The following ZDHHC20 variants were observed in gnomAD, a reference collection of about 807,000 sequenced individuals.
ZDHHC20 encodes the protein palmitoyltransferase ZDHHC20.
A neutral mutation model predicts 57.8 loss-of-function variants in ZDHHC20; 43 were observed. The observed-to-expected ratio is 0.74, with a 90% CI of 0.58 to 0.96. ZDHHC20 has a LOEUF of 0.96. Ranked by LOEUF, ZDHHC20 falls within the 40% of genes least tolerant of loss-of-function variation. The pLI is 0.00. For missense variants in ZDHHC20, 391 were observed against 441.1 expected (o/e 0.89, Z 1.02); for synonymous variants, 157 against 153.0 (o/e 1.03, Z -0.19).
In ZDHHC20 at chr13:21,459,038, C is replaced by G; in HGVS notation, c.118+16G>C. The G allele has an allele frequency of 6.3e-7, 1 of 1,576,726 alleles. No individual in the cohort carries two copies. The highest frequency in any genetic ancestry group is 1.7e-4 in the Middle Eastern group (1 of 5,962). On this transcript the variant is annotated intron_variant, in intron 1 of 12. Coordinates refer to ENST00000400590, the MANE Select transcript of ZDHHC20 (RefSeq NM_001330059.2). Reference sequence around the variant, plus strand: ...GCGGCCCGCGCCCCGCCGCAGTCCCCGGGGACGGTACTCACACACGCAGAG... The same window carrying G: ...GCGGCCCGCGCCCCGCCGCAGTCCCGGGGGACGGTACTCACACACGCAGAG...
At chr13:21,436,523 G>T (rs967229418) in intron 1 of ZDHHC20, among the ~76,000 whole-genome samples, 1 of 152,120 alleles carries the variant, frequency 6.6e-6, no homozygotes, top group Admixed American at 6.6e-5. Context: ...GGTGCTCTGT[G>T]ATCAGTGATC....
chr13:21,417,767 T>C (rs1293040686), intron 3 of ZDHHC20, among the ~76,000 whole-genome samples: 1 of 152,072 alleles, frequency 6.6e-6, no homozygotes, highest in Non-Finnish European at 1.5e-5. Context: ...ACCCAATCAA[T>C]TCCCCTAGAC....
At chr13:21,408,854 CA>C (rs1878820505) in intron 4 of ZDHHC20, among the ~76,000 whole-genome samples, 1 of 152,174 alleles carries the variant, frequency 6.6e-6, no homozygotes, top group African/African-American at 2.4e-5. Context: ...GCCTTTTCTG[CA>C]TCTATTGAGA....
At chr13:21,445,206 T>C (rs1406312077) in intron 1 of ZDHHC20, among the ~76,000 whole-genome samples, 1 of 152,018 alleles carries the variant, frequency 6.6e-6, no homozygotes. Flanking sequence ...GGCCTGCAAA[T>C]AGAGCTTATA....
intron 7 of ZDHHC20, among the ~76,000 whole-genome samples, chr13:21,398,826 G>T (rs750008272): frequency 3.2e-4 from 48 of 152,296 alleles, no homozygotes; most frequent in Non-Finnish European, 5.6e-4. Context: ...ACTGGAAACA[G>T]GGGAATGGGC....
chr13:21,426,748 G>C (rs1881307005), intron 1 of ZDHHC20, among the ~76,000 whole-genome samples: 1 of 151,992 alleles, frequency 6.6e-6, no homozygotes, highest in African/African-American at 2.4e-5. Flanking sequence ...TGGGATTACA[G>C]GTGAGTGCCA....
chr13:21,428,505 C>T lies in ZDHHC20; in HGVS notation c.119-2827G>A, dbSNP rs1030683566. Among the ~76,000 whole-genome samples, 4 of 151,870 alleles carry T rather than the reference C, an allele frequency of 2.6e-5. 1 individual carries two copies. The highest frequency in any genetic ancestry group is 7.3e-5 in the African/African-American group (3 of 41,372). ...AAGTGCTGGGATTACAGGCGTGAGCCACCGCACCCAGGCCCAAACTATGTT... is the reference window on the plus strand; with the variant it reads ...AAGTGCTGGGATTACAGGCGTGAGCTACCGCACCCAGGCCCAAACTATGTT... On this transcript the variant is annotated intron_variant, in intron 1 of 12. Transcript: ENST00000400590.
chr13:21,381,936 C>T (rs762583279), intron 10 of ZDHHC20: 31 of 525,576 alleles, frequency 5.9e-5, no homozygotes, highest in Non-Finnish European at 9.1e-5. Context: ...TCTACCTCTG[C>T]AGTTTAGATC....
chr13:21,442,085 CTATTT>C (rs1268072963), intron 1 of ZDHHC20, among the ~76,000 whole-genome samples: 1 of 151,964 alleles, frequency 6.6e-6, no homozygotes, highest in Non-Finnish European at 1.5e-5. Context: ...TTATGTATCC[CTATTT>C]TATTGTTTAT....
rs1449684713 is a variant in ZDHHC20, at chr13:21,447,815, G to A, written c.118+11239C>T. Among the ~76,000 whole-genome samples, 88 of 97,152 alleles carry A rather than the reference G, an allele frequency of 9.1e-4. No homozygotes were observed. The East Asian group carries it at 0.018, about 19-fold the overall frequency. 63.7% of individuals were successfully genotyped at this position (97,152 alleles called of 152,430 possible). A position where few individuals can be genotyped will look rare whatever the true frequency, so the allele number is the denominator to read the frequency against. ...AAGTGAGGAGTGTCTCCGCCCAGCC[G>A]CCATCCCATCTAGGAAGTGAGGAGC... On this transcript the variant is annotated intron_variant, in intron 1 of 12. Coordinates refer to ENST00000400590, the MANE Select transcript of ZDHHC20 (RefSeq NM_001330059.2).
intron 7 of ZDHHC20, among the ~76,000 whole-genome samples, chr13:21,395,302 G>A (rs1003157618): frequency 5.9e-5 from 9 of 151,706 alleles, no homozygotes; most frequent in Admixed American, 1.3e-4. Context: ...TCCTGACCTC[G>A]TGATCCACCT....
intron 5 of ZDHHC20, 82 bp downstream of exon 5, chr13:21,402,715 T>C (rs1275706985): frequency 2.6e-6 from 3 of 1,139,552 alleles, no homozygotes; most frequent in Non-Finnish European, 2.6e-6. Context: ...GTGTAAAGCA[T>C]ATAAAATGTT....
At chr13:21,390,617 G>C (rs1036783552) in intron 8 of ZDHHC20, among the ~76,000 whole-genome samples, 1 of 152,130 alleles carries the variant, frequency 6.6e-6, no homozygotes, top group Non-Finnish European at 1.5e-5. Flanking sequence ...GAATATATAT[G>C]GGCTGGGCAA....
chr13:21,424,335 A>T (rs2137920981), intron 2 of ZDHHC20, among the ~76,000 whole-genome samples: 1 of 152,336 alleles, frequency 6.6e-6, no homozygotes, highest in Middle Eastern at 3.4e-3. Flanking sequence ...CCTATATACC[A>T]AACTCTGTGT....
At chr13:21,405,134 A>T (rs895697396) in intron 4 of ZDHHC20, among the ~76,000 whole-genome samples, 6 of 149,838 alleles carry the variant, frequency 4.0e-5, no homozygotes, top group South Asian at 2.1e-4. Context: ...GCCCCTAAAA[A>T]TTTTTTTTTT....
At chr13:21,457,125 TCTC>T (rs2138084868) in intron 1 of ZDHHC20, among the ~76,000 whole-genome samples, 1 of 152,340 alleles carries the variant, frequency 6.6e-6, no homozygotes, top group Admixed American at 6.5e-5. Flanking sequence ...CATGTTCATT[TCTC>T]CTTCTTTATT....
chr13:21,444,372 C>G (rs1883472364), intron 1 of ZDHHC20, among the ~76,000 whole-genome samples: 1 of 151,954 alleles, frequency 6.6e-6, no homozygotes, highest in South Asian at 2.1e-4. Flanking sequence ...ACCCAGGCCA[C>G]AGTAAAACAA....
chr13:21,400,610 A>C lies in ZDHHC20; in HGVS notation c.474-117T>G, dbSNP rs1877491935. On this transcript the variant is annotated intron_variant, in intron 6 of 12. Transcript: ENST00000400590. ...GTGGTGTGGGGAAGGGGAGCTTTTT[A>C]ATGCGAATAAAATTTCAGTTTTGCA... The C allele has an allele frequency of 1.6e-5, 16 of 1,005,566 alleles. No individual in the cohort carries two copies. The East Asian group carries it at 2.5e-4, about 16-fold the overall frequency. 62.3% of individuals were successfully genotyped at this position (1,005,566 alleles called of 1,614,324 possible). A position where few individuals can be genotyped will look rare whatever the true frequency, so the allele number is the denominator to read the frequency against.
At chr13:21,434,296 A>T (rs1337764037) in intron 1 of ZDHHC20, among the ~76,000 whole-genome samples, 1 of 152,140 alleles carries the variant, frequency 6.6e-6, no homozygotes, top group Non-Finnish European at 1.5e-5. Context: ...AAGAATTAGA[A>T]TACCCCATAT....
Sources: allele counts gnomAD v4.1 joint callset (sites outside exome capture counted in the v4.1 genomes callset), GRCh38; gene constraint gnomAD v4.1.1; transcripts MANE v1.5; gene names NCBI Gene and HGNC (gene_info 2026-07-23, HGNC 2026-07-21).